KAZN: variants seen among roughly 807,000 people sequenced by gnomAD.
KAZN encodes kazrin.
A neutral mutation model predicts 87.4 loss-of-function variants in KAZN; 40 were observed. The observed-to-expected ratio is 0.46, with a 90% CI of 0.36 to 0.60. The LOEUF (loss-of-function observed/expected upper bound fraction) is 0.60. Among genes scored for constraint, KAZN ranks in the 20% least tolerant of loss-of-function variants. The pLI is 0.00. For missense variants in KAZN, 898 were observed against 1,073.9 expected, an observed-to-expected ratio of 0.84 and a Z score of 2.29; for synonymous variants, 466 against 458.3, an observed-to-expected ratio of 1.02 and a Z score of -0.22.
At chr1:14,852,436 A>C (rs1356728349) in intron 1 of KAZN, among the ~76,000 whole-genome samples, 1 of 152,162 alleles carries the variant, frequency 6.6e-6, no homozygotes, top group African/African-American at 2.4e-5. Flanking sequence ...GAGGAACCGG[A>C]GCCAAATCCT....
At chr1:13,978,502 A>ATG (rs1260650017) in intron 1 of KAZN, among the ~76,000 whole-genome samples, 1 of 150,446 alleles carries the variant, frequency 6.6e-6, no homozygotes, top group East Asian at 1.9e-4. Flanking sequence ...ATAAATATAT[A>ATG]TATATATATA....
At chr1:14,374,455 G>A (rs148816553) in intron 2 of KAZN, among the ~76,000 whole-genome samples, 19 of 152,268 alleles carry the variant, frequency 1.2e-4, no homozygotes, top group Middle Eastern at 3.4e-3. Context: ...GAGGAGCTTC[G>A]GGAAAATATC....
chr1:14,438,326 A>G (rs1017348386), intron 2 of KAZN, among the ~76,000 whole-genome samples: 4 of 152,224 alleles, frequency 2.6e-5, no homozygotes, highest in African/African-American at 9.6e-5. Context: ...CCCTGCCCTC[A>G]GGAGGCTGAC....
chr1:13,973,765 C>T (rs746302778), intron 1 of KAZN, among the ~76,000 whole-genome samples: 4 of 152,234 alleles, frequency 2.6e-5, no homozygotes, highest in Non-Finnish European at 5.9e-5. Flanking sequence ...GATGAGGAAA[C>T]TGAGCTTTAA....
intron 1 of KAZN, among the ~76,000 whole-genome samples, chr1:14,612,376 G>A (rs1677892083): frequency 6.6e-6 from 1 of 152,174 alleles, no homozygotes; most frequent in Non-Finnish European, 1.5e-5. Context: ...AAGGGACAAG[G>A]AATCATTGGT....
chr1:14,602,181 G>C (rs1677030899), intron 1 of KAZN, among the ~76,000 whole-genome samples: 1 of 152,114 alleles, frequency 6.6e-6, no homozygotes, highest in African/African-American at 2.4e-5. Context: ...ATATTAACTT[G>C]GTTGGTACTC....
chr1:14,602,510 C>G (rs1400427286), intron 1 of KAZN, among the ~76,000 whole-genome samples: 1 of 152,168 alleles, frequency 6.6e-6, no homozygotes, highest in Non-Finnish European at 1.5e-5. Context: ...GCATTTGTTC[C>G]AATTCATCTT....
At chr1:14,528,296 C>A (rs1457155470) in intron 2 of KAZN, among the ~76,000 whole-genome samples, 6 of 136,122 alleles carry the variant, frequency 4.4e-5, no homozygotes, top group Admixed American at 1.6e-4. Flanking sequence ...CGAGATCATG[C>A]CACTGTACCC....
At chr1:14,837,578 G>C (rs1429521711) in intron 1 of KAZN, among the ~76,000 whole-genome samples, 1 of 143,018 alleles carries the variant, frequency 7.0e-6, no homozygotes, top group Non-Finnish European at 1.5e-5. Flanking sequence ...TTTGAGACAG[G>C]GTCTTGCTCT....
chr1:14,216,809 C>G (rs1027989246), intron 2 of KAZN, among the ~76,000 whole-genome samples: 4 of 152,092 alleles, frequency 2.6e-5, no homozygotes, highest in Non-Finnish European at 4.4e-5. Context: ...GAGGCTGAGG[C>G]TGGAGAATTG....
intron 1 of KAZN, among the ~76,000 whole-genome samples, chr1:14,792,025 C>T (rs1645690420): frequency 7.3e-6 from 1 of 137,816 alleles, no homozygotes; most frequent in African/African-American, 2.5e-5. Context: ...TTTTCATGTT[C>T]CCCCTGCTTC....
chr1:14,378,793 T>C (rs954902836), intron 2 of KAZN, among the ~76,000 whole-genome samples: 16 of 152,040 alleles, frequency 1.1e-4, no homozygotes, highest in African/African-American at 2.9e-4. Flanking sequence ...AAACTCTAAA[T>C]AAACTTGAAA....
rs527765993 is a variant in KAZN at position 14,968,871 on chromosome 1, C to A, written c.418+7996C>A. ...CCGATGCCTGTGGTTCAGAGCATTC[C>A]AGGCCCTGCTCAGAGTCTAGGGACA... On this transcript the variant is annotated intron_variant, in intron 2 of 14. Coordinates refer to ENST00000376030, the MANE Select transcript of KAZN (RefSeq NM_201628.3). Among the ~76,000 whole-genome samples the A allele has an allele frequency of 6.4e-4, 98 of 152,350 alleles. 1 individual carries two copies. Among genetic ancestry groups the A allele is most frequent in the African/African-American group, 2.3e-3 (96 of 41,584 alleles).
At chr1:14,468,207 T>C (rs1668267857) in intron 2 of KAZN, among the ~76,000 whole-genome samples, 1 of 152,214 alleles carries the variant, frequency 6.6e-6, no homozygotes, top group Non-Finnish European at 1.5e-5. Flanking sequence ...GTCTTTATGT[T>C]CATGTTTTAA....
intron 1 of KAZN, among the ~76,000 whole-genome samples, chr1:14,880,973 C>T (rs183849898): frequency 6.9e-4 from 105 of 152,322 alleles, no homozygotes; most frequent in Non-Finnish European, 1.2e-3. Flanking sequence ...GAATAGCCTC[C>T]AGTTAACATG....
At chr1:14,273,062 T>A (rs1652076397) in intron 2 of KAZN, among the ~76,000 whole-genome samples, 1 of 152,050 alleles carries the variant, frequency 6.6e-6, no homozygotes, top group African/African-American at 2.4e-5. Context: ...AGGTTCCAAA[T>A]ACATTTATTG....
At chr1:14,111,553 A>G (rs1644498890) in intron 1 of KAZN, among the ~76,000 whole-genome samples, 1 of 133,772 alleles carries the variant, frequency 7.5e-6, no homozygotes, top group Non-Finnish European at 1.6e-5. Context: ...TTTCTCATTC[A>G]TACGAAAGGG....
intron 1 of KAZN, among the ~76,000 whole-genome samples, chr1:14,149,077 T>TCCTG (rs1327228975): frequency 0.01 from 1,293 of 128,250 alleles, 25 homozygotes; most frequent in Non-Finnish European, 0.015. Context: ...CTTCCTTCCT[T>TCCTG]CCTTCCTTCC....
At chr1:14,876,972 C>A (rs947750303) in intron 1 of KAZN, among the ~76,000 whole-genome samples, 4 of 152,158 alleles carry the variant, frequency 2.6e-5, no homozygotes, top group African/African-American at 7.2e-5. Context: ...GAAATTCAAC[C>A]CAAACTGTCT....
Sources: allele counts gnomAD v4.1 joint callset (sites outside exome capture counted in the v4.1 genomes callset), GRCh38; gene constraint gnomAD v4.1.1; transcripts MANE v1.5; gene names NCBI Gene and HGNC (gene_info 2026-07-23, HGNC 2026-07-21).